The following EEA1 variants were observed in gnomAD, a reference collection of about 807,000 sequenced individuals.
EEA1 encodes early endosome antigen 1.
EEA1 carries 111 observed loss-of-function variants against 209.2 expected under a neutral mutation model. That is an observed-to-expected ratio of 0.53 (90% CI 0.45 to 0.62). The LOEUF (loss-of-function observed/expected upper bound fraction) is 0.62, where lower values mean the gene tolerates loss of function less well. Ranked by LOEUF, EEA1 falls within the 20% of genes least tolerant of loss-of-function variation. EEA1 has a pLI of 0.00. For synonymous variants in EEA1, 536 were observed against 540.6 expected (o/e 0.99, Z 0.12); for missense variants, 1,343 against 1,530.8 (o/e 0.88, Z 2.05).
intron 22 of EEA1, among the ~76,000 whole-genome samples, chr12:92,785,939 G>A (rs1422270385): frequency 3.9e-5 from 6 of 152,058 alleles, no homozygotes; most frequent in Admixed American, 3.9e-4. Flanking sequence ...AATAAAAATC[G>A]CTGGCTTAAT....
intron 15 of EEA1, among the ~76,000 whole-genome samples, chr12:92,815,913 G>A (rs986351605): frequency 6.6e-6 from 1 of 151,710 alleles, no homozygotes; most frequent in Admixed American, 6.6e-5. Context: ...GAGCGCACCT[G>A]AGAGCAAGAG....
chr12:92,797,234 C>T (rs1238746496), intron 21 of EEA1, among the ~76,000 whole-genome samples: 1 of 152,070 alleles, frequency 6.6e-6, no homozygotes, highest in Non-Finnish European at 1.5e-5. Context: ...ACTACAGGTG[C>T]ACACCACCAT....
At chr12:92,868,417 G>T (rs1045353683) in intron 2 of EEA1, among the ~76,000 whole-genome samples, 19 of 152,148 alleles carry the variant, frequency 1.2e-4, no homozygotes. Flanking sequence ...GAAAGCAAAT[G>T]AAAAAGTGTT....
intron 21 of EEA1, among the ~76,000 whole-genome samples, chr12:92,796,493 T>G (rs1291570222): frequency 1.3e-5 from 2 of 151,850 alleles, no homozygotes; most frequent in Non-Finnish European, 2.9e-5. Context: ...AATGTGTAAG[T>G]GCATTATGAC....
chr12:92,837,915 T>C (rs1876999725), intron 10 of EEA1, among the ~76,000 whole-genome samples: 1 of 152,058 alleles, frequency 6.6e-6, no homozygotes, highest in Non-Finnish European at 1.5e-5. Context: ...CCACTGTCAA[T>C]AATTATGGTT....
At chr12:92,868,607 A>C (rs1878501997) in intron 2 of EEA1, among the ~76,000 whole-genome samples, 1 of 152,242 alleles carries the variant, frequency 6.6e-6, no homozygotes, top group African/African-American at 2.4e-5. Context: ...AATACCCTGA[A>C]ATAAATGATT....
intron 2 of EEA1, among the ~76,000 whole-genome samples, chr12:92,877,086 G>A (rs1204799491): frequency 6.6e-6 from 1 of 150,940 alleles, no homozygotes; most frequent in East Asian, 1.9e-4. Context: ...TGGGATTACA[G>A]GCATGTGCTG....
At position 92,802,525 on chromosome 12, in the gene EEA1, G is replaced by A; in HGVS notation, c.2549C>T (p.Ala850Val). The change falls in exon 19 of 29, where the codon GCT becomes GTT. Residue 850 changes from alanine (A) to valine (V), a missense_variant. Around this residue, in one of 3 missense-constraint regions of EEA1, gnomAD observed 1,307 missense variants for 1,465.5 expected, o/e 0.89. Coordinates refer to ENST00000322349, the MANE Select transcript of EEA1 (RefSeq NM_003566.4). ...TACTGTAGAAAGCTCTGTCATTAAA[G>A]CTTCTTTCTCCATTTTCACTTTTTG... Reference protein sequence around the residue: ...ELQKVKMEKEALMTELSTVKD... With the variant: ...ELQKVKMEKEVLMTELSTVKD... 6.3e-7 allele frequency: 1 copy of A among 1,597,840 alleles called. No homozygotes were observed. The highest frequency in any genetic ancestry group is 8.5e-7 in the Non-Finnish European group (1 of 1,174,922).
At position 92,776,066 on chromosome 12, in the gene EEA1, G is replaced by A. The variant is rs751757817; in HGVS notation, c.4181C>T (p.Ser1394Phe). The change falls in exon 29 of 29, where the codon TCC (serine) becomes TTC (phenylalanine). Residue 1394 changes from serine (S) to phenylalanine (F), a missense_variant. Around this residue, in one of 3 missense-constraint regions of EEA1, gnomAD observed 28 missense variants for 37.7 expected, o/e 0.74. Coordinates refer to ENST00000322349, the MANE Select transcript of EEA1 (RefSeq NM_003566.4). The part of the protein sequence containing the change: ...ECSAKNALTP[S>F]SKKPVRVCDA... Reference sequence around the variant, plus strand: ...ACAGACACGAACAGGCTTCTTGGAGGAAGGAGTTAAGGCATTTTTGGCTGA... The same window carrying A: ...ACAGACACGAACAGGCTTCTTGGAGAAAGGAGTTAAGGCATTTTTGGCTGA... The A allele has an allele frequency of 6.2e-7, 1 of 1,611,624 alleles. No homozygotes were observed. The highest frequency in any genetic ancestry group is 2.2e-5 in the East Asian group (1 of 44,750).
chr12:92,927,883 C>T (rs1156434788), intron 1 of EEA1, among the ~76,000 whole-genome samples: 1 of 152,204 alleles, frequency 6.6e-6, no homozygotes, highest in Non-Finnish European at 1.5e-5. Context: ...AAGAAGTTAA[C>T]TATTTCTCCC....
rs889296884 is a variant in EEA1 at position 92,775,213 on chromosome 12, A to C, written c.*798T>G. On this transcript the variant is annotated 3_prime_UTR_variant, in exon 29 of 29. Coordinates refer to ENST00000322349, the MANE Select transcript of EEA1 (RefSeq NM_003566.4). ...TCCTCCAACTGACAGCGAGGGTAAGAAGCTTTCTAAGATTCTAAATGGACA... is the reference window on the plus strand; with the variant it reads ...TCCTCCAACTGACAGCGAGGGTAAGCAGCTTTCTAAGATTCTAAATGGACA... The C allele has an allele frequency of 2.6e-5, 4 of 151,728 alleles. No homozygotes were observed. Among genetic ancestry groups the C allele is most frequent in the Non-Finnish European group, 4.4e-5 (3 of 67,712 alleles). 9.4% of individuals were successfully genotyped at this position (151,728 alleles called of 1,614,324 possible).
intron 2 of EEA1, among the ~76,000 whole-genome samples, chr12:92,871,956 C>T (rs1388115510): frequency 6.6e-6 from 1 of 152,154 alleles, no homozygotes; most frequent in Non-Finnish European, 1.5e-5. Context: ...TCTCAGCTCA[C>T]TGCCATCTCC....
chr12:92,874,909 T>C (rs1468130532), intron 2 of EEA1, among the ~76,000 whole-genome samples: 1 of 152,180 alleles, frequency 6.6e-6, no homozygotes, highest in Non-Finnish European at 1.5e-5. Context: ...ACTACACTGA[T>C]CGGATTATTA....
intron 1 of EEA1, among the ~76,000 whole-genome samples, chr12:92,914,752 C>G (rs968762419): frequency 2.6e-5 from 4 of 151,966 alleles, no homozygotes; most frequent in African/African-American, 9.7e-5. Flanking sequence ...CAACCTCCAC[C>G]TCCAGAGTTC....
At chr12:92,803,168 A>G (rs971687601) in intron 18 of EEA1, among the ~76,000 whole-genome samples, 1 of 152,120 alleles carries the variant, frequency 6.6e-6, no homozygotes, top group Non-Finnish European at 1.5e-5. Flanking sequence ...ATTATGTGTG[A>G]CAGTTCTTAG....
intron 2 of EEA1, among the ~76,000 whole-genome samples, chr12:92,891,067 T>C (rs1245934317): frequency 6.6e-6 from 1 of 152,158 alleles, no homozygotes; most frequent in Non-Finnish European, 1.5e-5. Context: ...CTCCTTTTTC[T>C]ATAATCATCC....
chr12:92,857,082 G>C (rs1304445914), intron 5 of EEA1, among the ~76,000 whole-genome samples, 193 bp downstream of exon 5: 6 of 151,850 alleles, frequency 4.0e-5, no homozygotes, highest in Non-Finnish European at 8.8e-5. Context: ...ATTTTTAATG[G>C]AACACCTTTT....
At chr12:92,833,173 A>G (rs1478684802) in intron 10 of EEA1, among the ~76,000 whole-genome samples, 1 of 152,194 alleles carries the variant, frequency 6.6e-6, no homozygotes, top group Non-Finnish European at 1.5e-5. Context: ...AACTGAAACT[A>G]CCATTCTACC....
intron 11 of EEA1, among the ~76,000 whole-genome samples, chr12:92,832,222 A>G (rs1271160313): frequency 1.3e-5 from 2 of 151,222 alleles, no homozygotes; most frequent in Non-Finnish European, 2.9e-5. Flanking sequence ...TATAATAGCT[A>G]AAATCTAGTG....
Sources: allele counts gnomAD v4.1 joint callset (sites outside exome capture counted in the v4.1 genomes callset), GRCh38; gene constraint gnomAD v4.1.1; regional missense constraint gnomAD v4.1.1; transcripts MANE v1.5; gene names NCBI Gene and HGNC (gene_info 2026-07-23, HGNC 2026-07-21).